DCC: variants seen among roughly 807,000 people sequenced by gnomAD.
DCC encodes the protein DCC netrin 1 receptor.
Under a neutral mutation model 172.5 loss-of-function variants are expected in DCC, and 58 were observed. The observed-to-expected ratio is 0.34, with a 90% CI of 0.27 to 0.42. The LOEUF (loss-of-function observed/expected upper bound fraction) is 0.42. Ranked by LOEUF, DCC falls within the 10% of genes least tolerant of loss-of-function variation. The probability of loss-of-function intolerance (pLI) is 1.00; values close to 1 mark genes in which losing one functional copy is unlikely to be tolerated. For synonymous variants in DCC, 709 were observed against 644.5 expected, an observed-to-expected ratio of 1.10 and a Z score of -1.52; for missense variants, 1,740 against 1,791.0, an observed-to-expected ratio of 0.97 and a Z score of 0.51.
chr18:53,251,231 C>A (rs1243047607), intron 12 of DCC, among the ~76,000 whole-genome samples: 3 of 151,928 alleles, frequency 2.0e-5, no homozygotes, highest in Non-Finnish European at 4.4e-5. Context: ...TAAAAATTCA[C>A]CATGATTTCC....
Position 52,340,525 on chromosome 18 carries a change from C to G in DCC, c.-263C>G. The G allele has an allele frequency of 1.8e-6, 1 of 559,692 alleles. No individual in the cohort carries two copies. Among genetic ancestry groups the G allele is most frequent in the Non-Finnish European group, 3.2e-6 (1 of 312,162 alleles). 34.7% of individuals were successfully genotyped at this position (559,692 alleles called of 1,614,324 possible). ...TTGAGTTAGTTTTCTAAGGTTTTAC[C>G]GGGGCTCGGGATCTCTTGGACCGAA... On this transcript the variant is annotated 5_prime_UTR_variant, in exon 1 of 29. Coordinates refer to ENST00000442544, the MANE Select transcript of DCC (RefSeq NM_005215.4).
chr18:52,368,545 G>A (rs1171535992), intron 1 of DCC, among the ~76,000 whole-genome samples: 1 of 152,098 alleles, frequency 6.6e-6, no homozygotes, highest in African/African-American at 2.4e-5. Context: ...TCACACAGCG[G>A]GTACTGAGAA....
intron 5 of DCC, among the ~76,000 whole-genome samples, chr18:53,035,160 C>CTGTGTGTGTGTG (rs56806063): frequency 6.7e-6 from 1 of 148,926 alleles, no homozygotes; most frequent in African/African-American, 2.5e-5. Context: ...AAACATTTAT[C>CTGTGTGTGTGTG]TGTGTGTGTG....
At chr18:52,549,630 G>T (rs190371467) in intron 1 of DCC, among the ~76,000 whole-genome samples, 71 of 152,170 alleles carry the variant, frequency 4.7e-4, no homozygotes, top group African/African-American at 1.7e-3. Context: ...ACTGACCATG[G>T]TCTAGGACAT....
intron 3 of DCC, among the ~76,000 whole-genome samples, chr18:52,923,289 T>C (rs1247762028): frequency 6.6e-6 from 1 of 152,156 alleles, no homozygotes; most frequent in Non-Finnish European, 1.5e-5. Context: ...TATTTGTTTC[T>C]CTTATTTTCC....
chr18:53,036,299 A>G (rs1157399057), intron 5 of DCC, among the ~76,000 whole-genome samples: 1 of 152,060 alleles, frequency 6.6e-6, no homozygotes, highest in Admixed American at 6.6e-5. Context: ...AGATTGATCT[A>G]TTAGGGCACA....
intron 5 of DCC, among the ~76,000 whole-genome samples, chr18:53,055,023 C>G (rs750117972): frequency 6.6e-6 from 1 of 152,060 alleles, no homozygotes; most frequent in African/African-American, 2.4e-5. Flanking sequence ...CTTAGATTTT[C>G]CAAAGCGATT....
intron 1 of DCC, among the ~76,000 whole-genome samples, chr18:52,643,203 G>A (rs527988993): frequency 6.6e-6 from 1 of 152,256 alleles, no homozygotes; most frequent in South Asian, 2.1e-4. Flanking sequence ...TGTAATTTAA[G>A]AAAGATTGAA....
rs1178715392 is a variant in DCC at position 52,593,870 on chromosome 18, G to A, written c.92-158184G>A. ...CTCAGGTTGAAACCACTTATCTATA[G>A]GTAGTAAGGCACTGATTCATTCCTC... On this transcript the variant is annotated intron_variant, in intron 1 of 28. Coordinates refer to ENST00000442544, the MANE Select transcript of DCC (RefSeq NM_005215.4). Among the ~76,000 whole-genome samples the A allele has an allele frequency of 4.6e-5, 7 of 152,216 alleles. No individual in the cohort carries two copies. In the South Asian group the frequency reaches 1.2e-3, roughly 27 times the overall value.
intron 8 of DCC, among the ~76,000 whole-genome samples, chr18:53,164,928 A>C (rs2054893469): frequency 6.6e-6 from 1 of 152,308 alleles, no homozygotes; most frequent in East Asian, 1.9e-4. Flanking sequence ...AAATATTGCT[A>C]AGAAACCACA....
intron 25 of DCC, among the ~76,000 whole-genome samples, chr18:53,470,810 T>C (rs769337562): frequency 6.6e-6 from 1 of 152,166 alleles, no homozygotes; most frequent in Non-Finnish European, 1.5e-5. Flanking sequence ...ACGAGGATCA[T>C]GGGGGGAACT....
chr18:52,630,216 C>T (rs930634757), intron 1 of DCC, among the ~76,000 whole-genome samples: 1 of 152,068 alleles, frequency 6.6e-6, no homozygotes, highest in Non-Finnish European at 1.5e-5. Flanking sequence ...ATGTGTCAGT[C>T]GTGATTGAAA....
chr18:53,204,367 C>G (rs995286948), intron 9 of DCC, among the ~76,000 whole-genome samples: 8 of 151,840 alleles, frequency 5.3e-5, no homozygotes, highest in African/African-American at 1.9e-4. Context: ...CATAGTGAGA[C>G]CCAGTATCTA....
At chr18:53,056,980 A>G (rs562198023) in intron 5 of DCC, among the ~76,000 whole-genome samples, 4 of 151,866 alleles carry the variant, frequency 2.6e-5, no homozygotes, top group African/African-American at 9.6e-5. Context: ...TGCAGAGAAT[A>G]CTATATATAT....
intron 1 of DCC, among the ~76,000 whole-genome samples, chr18:52,499,597 G>A (rs1422949636): frequency 1.3e-5 from 2 of 152,070 alleles, no homozygotes; most frequent in Non-Finnish European, 2.9e-5. Context: ...TCATTAACAT[G>A]AGGTCCTTGC....
intron 2 of DCC, among the ~76,000 whole-genome samples, chr18:52,783,580 T>C (rs113234822): frequency 0.022 from 3,316 of 151,920 alleles, 117 homozygotes; most frequent in African/African-American, 0.075. Flanking sequence ...TCTGGTACAG[T>C]CCTTGTTCTC....
At chr18:52,950,160 A>G (rs1294265128) in intron 5 of DCC, among the ~76,000 whole-genome samples, 2 of 152,116 alleles carry the variant, frequency 1.3e-5, no homozygotes, top group African/African-American at 2.4e-5. Context: ...CTCTCCATCA[A>G]ATTTTTGTAT....
At chr18:52,892,813 A>G (rs1044762026) in intron 2 of DCC, among the ~76,000 whole-genome samples, 7 of 152,118 alleles carry the variant, frequency 4.6e-5, no homozygotes, top group Admixed American at 1.3e-4. Context: ...TTCCATTTTC[A>G]TTGTGCAAAT....
At chr18:53,181,799 AAAC>A (rs1233168361) in intron 9 of DCC, among the ~76,000 whole-genome samples, 2 of 152,192 alleles carry the variant, frequency 1.3e-5, no homozygotes, top group Admixed American at 6.5e-5. Flanking sequence ...AACAATAACA[AAAC>A]AACTCGAGTA....
Sources: allele counts gnomAD v4.1 joint callset (sites outside exome capture counted in the v4.1 genomes callset), GRCh38; gene constraint gnomAD v4.1.1; transcripts MANE v1.5; gene names NCBI Gene and HGNC (gene_info 2026-07-23, HGNC 2026-07-21).